Variants in ST6GALNAC3 observed in about 807,000 individuals in gnomAD.
ST6GALNAC3 encodes the protein ST6 N-acetylgalactosaminide alpha-2,6-sialyltransferase 3, also known as alpha-N-acetylgalactosaminide alpha-2,6-sialyltransferase 3.
A neutral mutation model predicts 32.7 loss-of-function variants in ST6GALNAC3; 25 were observed. The observed-to-expected ratio is 0.76, with a 90% CI of 0.56 to 1.07. The LOEUF is 1.07. Among genes scored for constraint, ST6GALNAC3 ranks in the 50% least tolerant of loss-of-function variants. The pLI is 0.00. For synonymous variants in ST6GALNAC3, 129 were observed against 133.1 expected (o/e 0.97, Z 0.21); for missense variants, 355 against 382.4 (o/e 0.93, Z 0.60).
chr1:76,625,142 C>T lies in ST6GALNAC3; in HGVS notation c.624-2310C>T, dbSNP rs114839770. Reference sequence around the variant, plus strand: ...TATCCTCACTCCAATTCTAACTGCACTCTGTGTTGACTCTGAAACACATGG... The same window carrying T: ...TATCCTCACTCCAATTCTAACTGCATTCTGTGTTGACTCTGAAACACATGG... On this transcript the variant is annotated intron_variant, in intron 3 of 4. Transcript: ENST00000328299. Among the ~76,000 whole-genome samples the T allele has an allele frequency of 2.8e-3, 421 of 152,082 alleles. 4 individuals carry two copies. The highest frequency in any genetic ancestry group is 9.8e-3 in the African/African-American group (406 of 41,528).
chr1:76,309,841 T>C, intron 1 of ST6GALNAC3: 1 of 418,258 alleles, frequency 2.4e-6, no homozygotes, highest in Non-Finnish European at 4.8e-6. Context: ...TCACCCTCTC[T>C]GTGCTCATTA....
chr1:76,450,757 T>G (rs1030077144), intron 3 of ST6GALNAC3, among the ~76,000 whole-genome samples: 1 of 152,182 alleles, frequency 6.6e-6, no homozygotes, highest in African/African-American at 2.4e-5. Context: ...TCCAGTTTCA[T>G]TCTTCTACAT....
intron 3 of ST6GALNAC3, among the ~76,000 whole-genome samples, chr1:76,433,986 T>C (rs1655953689): frequency 6.6e-6 from 1 of 152,230 alleles, no homozygotes; most frequent in African/African-American, 2.4e-5. Context: ...AGCATTCTTA[T>C]TGATTGCTCT....
chr1:76,094,431 T>C (rs1433402599), intron 1 of ST6GALNAC3, among the ~76,000 whole-genome samples: 1 of 152,164 alleles, frequency 6.6e-6, no homozygotes, highest in African/African-American at 2.4e-5. Flanking sequence ...CATGATTTAG[T>C]CCCATAATAT....
At chr1:76,339,895 G>C (rs966524337) in intron 2 of ST6GALNAC3, among the ~76,000 whole-genome samples, 1 of 152,216 alleles carries the variant, frequency 6.6e-6, no homozygotes, top group African/African-American at 2.4e-5. Context: ...AGCAGGTTCT[G>C]TGATAAGGTG....
At chr1:76,185,243 T>G (rs1653478172) in intron 1 of ST6GALNAC3, among the ~76,000 whole-genome samples, 1 of 152,178 alleles carries the variant, frequency 6.6e-6, no homozygotes, top group Admixed American at 6.5e-5. Flanking sequence ...TACTCCTTAT[T>G]GTGCTTTTCT....
intron 3 of ST6GALNAC3, among the ~76,000 whole-genome samples, chr1:76,425,389 C>T (rs530409393): frequency 7.0e-4 from 106 of 152,048 alleles, no homozygotes; most frequent in African/African-American, 2.5e-3. Context: ...CGCCCTCACC[C>T]GCGTACACTC....
intron 1 of ST6GALNAC3, among the ~76,000 whole-genome samples, chr1:76,152,081 G>T (rs562778584): frequency 1.7e-4 from 26 of 152,160 alleles, no homozygotes; most frequent in Non-Finnish European, 3.1e-4. Flanking sequence ...CTTTCTTGGA[G>T]TGAAAAATTG....
intron 1 of ST6GALNAC3, among the ~76,000 whole-genome samples, chr1:76,309,762 C>T (rs1230669130): frequency 6.6e-6 from 1 of 152,132 alleles, no homozygotes; most frequent in African/African-American, 2.4e-5. Flanking sequence ...CCTCTGTCCA[C>T]TGCAGAATAC....
intron 3 of ST6GALNAC3, among the ~76,000 whole-genome samples, chr1:76,538,524 A>G (rs1663776405): frequency 6.6e-6 from 1 of 152,188 alleles, no homozygotes. Flanking sequence ...GGCCAGGGCA[A>G]TCAGGCAACA....
intron 3 of ST6GALNAC3, among the ~76,000 whole-genome samples, chr1:76,572,824 G>A (rs890091683): frequency 1.3e-5 from 2 of 152,102 alleles, no homozygotes; most frequent in Non-Finnish European, 2.9e-5. Flanking sequence ...AAATTTTTCA[G>A]CTTGTCAAAG....
intron 3 of ST6GALNAC3, among the ~76,000 whole-genome samples, chr1:76,421,129 C>A (rs1030138991): frequency 2.6e-5 from 4 of 151,890 alleles, no homozygotes; most frequent in African/African-American, 7.3e-5. Flanking sequence ...CACTTAATAT[C>A]TTTTTTAAGC....
chr1:76,603,203 T>G (rs1032377526), intron 3 of ST6GALNAC3, among the ~76,000 whole-genome samples: 5 of 152,188 alleles, frequency 3.3e-5, no homozygotes, highest in African/African-American at 1.2e-4. Flanking sequence ...TTGCTTACCT[T>G]TCTACCTAAC....
chr1:76,367,344 G>A (rs949726803), intron 2 of ST6GALNAC3, among the ~76,000 whole-genome samples: 3 of 152,080 alleles, frequency 2.0e-5, no homozygotes, highest in Non-Finnish European at 2.9e-5. Context: ...ACAGGAATGG[G>A]GCAGATGGCA....
At chr1:76,521,312 C>CGT (rs1662521423) in intron 3 of ST6GALNAC3, among the ~76,000 whole-genome samples, 2 of 151,616 alleles carry the variant, frequency 1.3e-5, no homozygotes, top group South Asian at 2.1e-4. Flanking sequence ...CACACACACG[C>CGT]GCGTACATAC....
chr1:76,410,274 T>C (rs1172393477), intron 2 of ST6GALNAC3, among the ~76,000 whole-genome samples: 1 of 152,164 alleles, frequency 6.6e-6, no homozygotes, highest in African/African-American at 2.4e-5. Flanking sequence ...ATTCCTTTCC[T>C]GCCTCAGGGT....
intron 2 of ST6GALNAC3, chr1:76,353,538 TG>T: frequency 6.5e-6 from 1 of 153,888 alleles, no homozygotes. Flanking sequence ...TGCCCAGGGC[TG>T]GGCACCTGAG....
At chr1:76,548,803 G>T (rs1477466644) in intron 3 of ST6GALNAC3, among the ~76,000 whole-genome samples, 3 of 152,056 alleles carry the variant, frequency 2.0e-5, no homozygotes, top group South Asian at 4.2e-4. Flanking sequence ...CTCAGTCATG[G>T]TTCCATATTT....
At chr1:76,360,708 T>C (rs1307100198) in intron 2 of ST6GALNAC3, among the ~76,000 whole-genome samples, 1 of 152,222 alleles carries the variant, frequency 6.6e-6, no homozygotes, top group Non-Finnish European at 1.5e-5. Context: ...ATATTGTGTA[T>C]GTGTTGTGCA....
Sources: allele counts gnomAD v4.1 joint callset (sites outside exome capture counted in the v4.1 genomes callset), GRCh38; gene constraint gnomAD v4.1.1; transcripts MANE v1.5; gene names NCBI Gene and HGNC (gene_info 2026-07-23, HGNC 2026-07-21).